Variants in IL22RA2 observed in about 807,000 individuals in gnomAD.
IL22RA2 encodes the protein interleukin 22 receptor subunit alpha 2.
Under a neutral mutation model 30.7 loss-of-function variants are expected in IL22RA2, and 39 were observed. The observed-to-expected ratio is 1.27, with a 90% CI of 0.98 to 1.66. The LOEUF (loss-of-function observed/expected upper bound fraction) is 1.66, where lower values mean the gene tolerates loss of function less well. IL22RA2 is among the 40% of genes most tolerant of loss of function. The pLI, the probability that IL22RA2 is intolerant of heterozygous loss-of-function variation, is 0.00. For missense variants in IL22RA2, 315 were observed against 312.7 expected (o/e 1.01, Z -0.05); for synonymous variants, 103 against 105.0 (o/e 0.98, Z 0.11).
chr6:137,150,532 A>G (rs1368750577), intron 5 of IL22RA2, among the ~76,000 whole-genome samples: 3 of 144,300 alleles, frequency 2.1e-5, no homozygotes, highest in African/African-American at 5.2e-5. Context: ...CAGAAAACAC[A>G]CAAACCCTTC....
intron 3 of IL22RA2, among the ~76,000 whole-genome samples, chr6:137,157,287 A>G (rs9494674): frequency 0.11 from 17,128 of 151,988 alleles, 1,510 homozygotes; most frequent in African/African-American, 0.24. Context: ...TATTTATACT[A>G]CTCCAGGGGA....
intron 1 of IL22RA2, among the ~76,000 whole-genome samples, chr6:137,172,161 C>A (rs571223137): frequency 4.8e-4 from 73 of 152,136 alleles, no homozygotes; most frequent in Non-Finnish European, 8.8e-4. Flanking sequence ...TTGAAGCCAC[C>A]AAATTGCTCC....
intron 1 of IL22RA2, among the ~76,000 whole-genome samples, chr6:137,172,645 G>T (rs911806657): frequency 6.6e-6 from 1 of 152,116 alleles, no homozygotes; most frequent in East Asian, 1.9e-4. Context: ...GCCCTCCCCC[G>T]ACCTCGGCCC....
intron 5 of IL22RA2, among the ~76,000 whole-genome samples, chr6:137,151,989 T>A (rs1778301245): frequency 2.0e-5 from 3 of 152,172 alleles, no homozygotes; most frequent in Admixed American, 2.0e-4. Context: ...CCTCAAATGA[T>A]TAAATATAGA....
At chr6:137,168,804 A>G (rs1778676601) in intron 1 of IL22RA2, among the ~76,000 whole-genome samples, 1 of 152,238 alleles carries the variant, frequency 6.6e-6, no homozygotes, top group Non-Finnish European at 1.5e-5. Flanking sequence ...AGGACTTGGT[A>G]TTCCTCTGGT....
chr6:137,163,823 G>A (rs1225515113), intron 1 of IL22RA2, among the ~76,000 whole-genome samples: 3 of 152,184 alleles, frequency 2.0e-5, no homozygotes, highest in African/African-American at 7.2e-5. Context: ...GTGTGAAAGT[G>A]TGTAAAAGAG....
At chr6:137,158,324 T>G (rs758167056) in intron 3 of IL22RA2, 23 bp downstream of exon 3, 8 of 1,613,648 alleles carry the variant, frequency 5.0e-6, no homozygotes, top group Non-Finnish European at 4.2e-6. Context: ...CTCTATCAGC[T>G]GAAGGAGGCT....
At chr6:137,146,995 C>CA (rs5880333) in intron 6 of IL22RA2, among the ~76,000 whole-genome samples, 19,096 of 143,390 alleles carry the variant, frequency 0.13, 1,527 homozygotes, top group East Asian at 0.19. Flanking sequence ...GACCCTGTCT[C>CA]AAAAAAAAAA....
chr6:137,165,151 G>A (rs1778603185), intron 1 of IL22RA2, among the ~76,000 whole-genome samples: 1 of 152,174 alleles, frequency 6.6e-6, no homozygotes, highest in Non-Finnish European at 1.5e-5. Flanking sequence ...GTTTGCAGCA[G>A]TATTGAGAGG....
intron 6 of IL22RA2, among the ~76,000 whole-genome samples, chr6:137,146,911 A>G (rs1364491385): frequency 1.3e-5 from 2 of 152,072 alleles, no homozygotes; most frequent in African/African-American, 4.8e-5. Flanking sequence ...TGGGAGGATC[A>G]TTTGAGCCCA....
chr6:137,156,047 C>T (rs777172818), intron 4 of IL22RA2, among the ~76,000 whole-genome samples: 17 of 152,122 alleles, frequency 1.1e-4, no homozygotes, highest in African/African-American at 2.4e-4. Context: ...TGAAAATTGA[C>T]GGGAACTTTT....
chr6:137,153,112 A>G (rs543442054), intron 5 of IL22RA2, among the ~76,000 whole-genome samples: 24 of 152,218 alleles, frequency 1.6e-4, no homozygotes, highest in Non-Finnish European at 2.9e-4. Flanking sequence ...TTTTATTAGC[A>G]GACCCCTAAC....
intron 1 of IL22RA2, among the ~76,000 whole-genome samples, chr6:137,172,957 G>A (rs1778773296): frequency 6.6e-6 from 1 of 152,112 alleles, no homozygotes; most frequent in East Asian, 1.9e-4. Context: ...CAAAGGCCTG[G>A]GAAAGGGGGT....
chr6:137,145,717 T>C lies in IL22RA2; in HGVS notation c.699A>G (p.Pro233=). 6.2e-7 allele frequency: 1 copy of C among 1,613,894 alleles called. No individual in the cohort carries two copies. The highest frequency in any genetic ancestry group is 8.5e-7 in the Non-Finnish European group (1 of 1,179,850). ...HRAVEIEALT[P]HSSYCVVAEI... is the part of the protein sequence containing the mutation. Reference sequence around the variant, plus strand: ...CAGCCACTACACAGTAGCTGGAGTGTGGTGTTAGAGCTTCAATTTCAACCG... The same window carrying C: ...CAGCCACTACACAGTAGCTGGAGTGCGGTGTTAGAGCTTCAATTTCAACCG... The change falls in exon 7 of 7, where the codon CCA becomes CCG. Residue 233 remains proline (P), a synonymous_variant. Transcript: ENST00000296980.
rs1221754715 is a variant in IL22RA2, at chr6:137,144,768, C to T, written c.*856G>A. ...GATGAGGAAGGCGCCACAAGCAAGA[C>T]ACTCTTGGCCAGAAGGATTGAGTAA... On this transcript the variant is annotated 3_prime_UTR_variant, in exon 7 of 7. Coordinates refer to ENST00000296980, the MANE Select transcript of IL22RA2 (RefSeq NM_052962.3). 3.3e-5 allele frequency: 5 copies of T among 152,240 alleles called. No homozygotes were observed. The highest frequency in any genetic ancestry group is 6.5e-5 in the Admixed American group (1 of 15,286). 9.4% of individuals were successfully genotyped at this position (152,240 alleles called of 1,614,324 possible). A position where few individuals can be genotyped will look rare whatever the true frequency, so the allele number is the denominator to read the frequency against.
At chr6:137,157,550 T>C (rs774815642) in intron 3 of IL22RA2, among the ~76,000 whole-genome samples, 49 of 152,132 alleles carry the variant, frequency 3.2e-4, no homozygotes, top group Non-Finnish European at 6.3e-4. Flanking sequence ...GATGAATTTA[T>C]GGGATAAAAA....
intron 6 of IL22RA2, among the ~76,000 whole-genome samples, chr6:137,146,541 A>G (rs573011881): frequency 4.6e-5 from 7 of 152,240 alleles, no homozygotes; most frequent in African/African-American, 1.7e-4. Flanking sequence ...TTGCTTGCCT[A>G]TCTCCTAATT....
chr6:137,155,593 G>A (rs1254925017), intron 4 of IL22RA2, among the ~76,000 whole-genome samples: 11 of 151,880 alleles, frequency 7.2e-5, no homozygotes, highest in African/African-American at 1.9e-4. Context: ...ACATTAATTC[G>A]TTAATCCATC....
chr6:137,164,729 G>A lies in IL22RA2; in HGVS notation c.-65-2915C>T, dbSNP rs141172830. 5.4e-3 allele frequency among the ~76,000 whole-genome samples: 815 copies of A among 152,286 alleles called. 5 individuals are homozygous for A. Among genetic ancestry groups the A allele is most frequent in the Non-Finnish European group, 7.5e-3 (509 of 68,012 alleles). ...GTGATGAGGTCGGCCGCCTTAGGTC[G>A]GTCCGTGCCCAAGCAATGCAGATGC... On this transcript the variant is annotated intron_variant, in intron 1 of 6. Transcript: ENST00000296980.
Sources: allele counts gnomAD v4.1 joint callset (sites outside exome capture counted in the v4.1 genomes callset), GRCh38; gene constraint gnomAD v4.1.1; transcripts MANE v1.5; gene names NCBI Gene and HGNC (gene_info 2026-07-23, HGNC 2026-07-21).